Variants in LY96 observed in about 807,000 individuals in gnomAD.
LY96 encodes the protein myeloid differentiation protein-2.
LY96 carries 18 observed loss-of-function variants against 18.9 expected under a neutral mutation model. The observed-to-expected ratio is 0.95, with a 90% confidence interval of 0.66 to 1.41. The LOEUF (loss-of-function observed/expected upper bound fraction) is 1.41, where lower values mean the gene tolerates loss of function less well. LY96 is among the 40% of genes most tolerant of loss of function. The probability of loss-of-function intolerance (pLI) is 0.00; values close to 1 mark genes in which losing one functional copy is unlikely to be tolerated. For missense variants in LY96, 175 were observed against 182.4 expected (o/e 0.96, Z 0.23); for synonymous variants, 66 against 62.6 (o/e 1.06, Z -0.26).
At chr8:74,099,099 C>A in the LY96 span, among the ~76,000 whole-genome samples, 9 of 152,318 alleles carry the variant, frequency 5.9e-5, no homozygotes, top group Admixed American at 2.0e-4. Flanking sequence ...CTTTTATGGA[C>A]TGAATTTTGT....
chr8:74,033,068 A>G (rs1264592000), downstream of LY96, among the ~76,000 whole-genome samples: 1 of 152,134 alleles, frequency 6.6e-6, no homozygotes, highest in African/African-American at 2.4e-5. Context: ...CCCTTTTTAC[A>G]TGGGCACCCT....
At chr8:74,079,786 G>A in the LY96 span, 1 of 152,102 alleles carries the variant, frequency 6.6e-6, no homozygotes, top group African/African-American at 2.4e-5. Context: ...CTGGGCTCAA[G>A]AGATCCACCC....
At chr8:74,068,235 G>A in the LY96 span, among the ~76,000 whole-genome samples, 7,035 of 151,780 alleles carry the variant, frequency 0.046, 407 homozygotes, top group African/African-American at 0.13. Flanking sequence ...GATTTCATAT[G>A]AATGGAGTCA....
At chr8:74,042,875 C>G in the LY96 span, among the ~76,000 whole-genome samples, 1 of 151,482 alleles carries the variant, frequency 6.6e-6, no homozygotes. Flanking sequence ...TTCCCGTGTT[C>G]AAGAGATTCT....
At chr8:74,021,004 G>A (rs1309167681) in intron 3 of LY96, among the ~76,000 whole-genome samples, 1 of 152,192 alleles carries the variant, frequency 6.6e-6, no homozygotes, top group Non-Finnish European at 1.5e-5. Flanking sequence ...CAGGACATAG[G>A]CATGGGCAAG....
At chr8:74,090,792 G>T in the LY96 span, among the ~76,000 whole-genome samples, 1 of 152,176 alleles carries the variant, frequency 6.6e-6, no homozygotes, top group Non-Finnish European at 1.5e-5. Context: ...CAGCAATTTG[G>T]TAGGACTCTC....
chr8:74,057,682 C>T, the LY96 span, among the ~76,000 whole-genome samples: 1 of 152,182 alleles, frequency 6.6e-6, no homozygotes, highest in Non-Finnish European at 1.5e-5. Context: ...AGGTTTCTCT[C>T]ATCCTGCTAA....
At chr8:74,060,375 T>A in the LY96 span, among the ~76,000 whole-genome samples, 1 of 152,238 alleles carries the variant, frequency 6.6e-6, no homozygotes, top group Non-Finnish European at 1.5e-5. Context: ...ATTCTTAGCC[T>A]TCAGGTCTTG....
intron 3 of LY96, among the ~76,000 whole-genome samples, chr8:74,012,539 G>C (rs180835517): frequency 2.0e-5 from 3 of 152,104 alleles, no homozygotes; most frequent in African/African-American, 7.2e-5. Flanking sequence ...GGGTGAGGGG[G>C]TGGATGATGT....
the LY96 span, among the ~76,000 whole-genome samples, chr8:74,036,887 G>A: frequency 4.6e-5 from 7 of 152,122 alleles, no homozygotes; most frequent in Non-Finnish European, 8.8e-5. Context: ...CATTCCTTAT[G>A]GGGAGGGGTT....
intron 1 of LY96, among the ~76,000 whole-genome samples, chr8:74,003,108 G>C (rs1816332514): frequency 6.6e-6 from 1 of 151,500 alleles, no homozygotes; most frequent in Non-Finnish European, 1.5e-5. Context: ...TTGTCTCTCT[G>C]TTTGGCATCT....
At chr8:74,028,889 T>C (rs190336881) in intron 4 of LY96, 67 bp from the exon 5 acceptor site, 3 of 964,678 alleles carry the variant, frequency 3.1e-6, no homozygotes, top group Admixed American at 4.1e-5. Context: ...AGAAAGTTCT[T>C]ACAAAGCCTC....
chr8:74,050,781 T>C, the LY96 span, among the ~76,000 whole-genome samples: 12 of 152,252 alleles, frequency 7.9e-5, no homozygotes, highest in South Asian at 2.3e-3. Flanking sequence ...CCCAGGACTT[T>C]GGGAGGCCGA....
At chr8:74,013,053 C>G (rs1173776063) in intron 3 of LY96, among the ~76,000 whole-genome samples, 8 of 152,086 alleles carry the variant, frequency 5.3e-5, no homozygotes, top group Non-Finnish European at 1.2e-4. Flanking sequence ...AACTCCTGGG[C>G]TGAAGTCATC....
the LY96 span, among the ~76,000 whole-genome samples, chr8:74,044,076 A>G: frequency 6.6e-6 from 1 of 152,226 alleles, no homozygotes; most frequent in African/African-American, 2.4e-5. Flanking sequence ...CCAGCGTTGT[A>G]AAGTTTAAAG....
Position 73,995,365 on chromosome 8 carries a change from C to T in LY96, c.112+3811C>T, listed in dbSNP as rs188645918. Among the ~76,000 whole-genome samples, 465 of 152,352 alleles carry T rather than the reference C, an allele frequency of 3.1e-3. 2 individuals carry two copies. Among genetic ancestry groups the T allele is most frequent in the African/African-American group, 0.011 (448 of 41,582 alleles). ...TCACTGTGTCCTCACATGGCCTTTC[C>T]TCTGTGTGTGCACATCCCTGGCGTT... On this transcript the variant is annotated intron_variant, in intron 1 of 4. Coordinates refer to ENST00000284818, the MANE Select transcript of LY96 (RefSeq NM_015364.5).
At chr8:74,034,958 C>T in the LY96 span, among the ~76,000 whole-genome samples, 4 of 152,130 alleles carry the variant, frequency 2.6e-5, no homozygotes, top group East Asian at 1.9e-4. Context: ...TTCTAATTCC[C>T]GTAGAATTAA....
At chr8:74,004,913 CCAAT>C (rs763692188) in intron 2 of LY96, 28 bp downstream of exon 2, 14 of 1,571,918 alleles carry the variant, frequency 8.9e-6, no homozygotes, top group Admixed American at 1.7e-5. Flanking sequence ...CTTTTATAGA[CCAAT>C]CAAAGGAGTT....
At chr8:74,000,124 C>T (rs1816233435) in intron 1 of LY96, among the ~76,000 whole-genome samples, 1 of 152,136 alleles carries the variant, frequency 6.6e-6, no homozygotes, top group Admixed American at 6.5e-5. Flanking sequence ...TATGAAATGC[C>T]TTTCAGGTCA....
Sources: gnomAD v4.1 joint callset for allele counts (sites outside exome capture counted in the v4.1 genomes callset) on GRCh38, gnomAD v4.1.1 for gene constraint, MANE v1.5 for transcripts, NCBI Gene and HGNC (gene_info 2026-07-23, HGNC 2026-07-21) for gene names.